CRB1: variants seen among roughly 807,000 people sequenced by gnomAD.
CRB1 encodes crumbs cell polarity complex component 1, also known as protein crumbs homolog 1.
Under a neutral mutation model 120.0 loss-of-function variants are expected in CRB1, and 83 were observed. That is an observed-to-expected ratio of 0.69 (90% CI 0.58 to 0.83). The LOEUF (loss-of-function observed/expected upper bound fraction) is 0.83, where lower values mean the gene tolerates loss of function less well. Among genes scored for constraint, CRB1 ranks in the 40% least tolerant of loss-of-function variants. The pLI is 0.00. For synonymous variants in CRB1, 625 were observed against 612.5 expected, an observed-to-expected ratio of 1.02 and a Z score of -0.30; for missense variants, 1,699 against 1,687.6, an observed-to-expected ratio of 1.01 and a Z score of -0.12.
the CRB1 span, among the ~76,000 whole-genome samples, chr1:197,229,087 C>T: frequency 0.023 from 3,560 of 152,152 alleles, 71 homozygotes; most frequent in Non-Finnish European, 0.039. Context: ...AGAGGCAAAC[C>T]GTATCAAGGA....
intron 2 of CRB1, among the ~76,000 whole-genome samples, chr1:197,332,709 G>A (rs550965519): frequency 6.6e-6 from 1 of 152,178 alleles, no homozygotes; most frequent in Non-Finnish European, 1.5e-5. Context: ...CTTCCAGAGG[G>A]TCAAATTTAA....
chr1:197,426,045 T>C (rs1219865483), intron 6 of CRB1, among the ~76,000 whole-genome samples: 1 of 151,552 alleles, frequency 6.6e-6, no homozygotes. Flanking sequence ...CAAAAAGGCA[T>C]CTCAAATTTA....
At chr1:197,364,081 G>A in intron 5 of CRB1, 3 of 1,269,632 alleles carry the variant, frequency 2.4e-6, no homozygotes, top group Non-Finnish European at 3.4e-6. Flanking sequence ...GGGCTGCTGA[G>A]GCGGGCAGAT....
At chr1:197,205,664 G>A in the CRB1 span, among the ~76,000 whole-genome samples, 2 of 152,016 alleles carry the variant, frequency 1.3e-5, no homozygotes, top group East Asian at 1.9e-4. Context: ...ATTTTGTTGA[G>A]GATTTTTGCA....
the CRB1 span, among the ~76,000 whole-genome samples, chr1:197,227,104 A>G: frequency 3.7e-3 from 569 of 152,252 alleles, 8 homozygotes; most frequent in Admixed American, 0.01. Flanking sequence ...TCATGTCCTC[A>G]TATTTCAAAA....
At chr1:197,218,214 C>G in the CRB1 span, among the ~76,000 whole-genome samples, 2 of 152,186 alleles carry the variant, frequency 1.3e-5, no homozygotes, top group African/African-American at 4.8e-5. Context: ...AAAGGTGTGT[C>G]AGTTTATCAT....
the CRB1 span, among the ~76,000 whole-genome samples, chr1:197,249,445 A>G: frequency 2.0e-5 from 3 of 152,134 alleles, no homozygotes; most frequent in East Asian, 5.8e-4. Flanking sequence ...GTGAAGGAGA[A>G]CAGGAAATAT....
intron 1 of CRB1, among the ~76,000 whole-genome samples, chr1:197,291,968 A>G (rs981176788): frequency 6.6e-6 from 1 of 152,092 alleles, no homozygotes; most frequent in Non-Finnish European, 1.5e-5. Context: ...GAAAGCAGGA[A>G]AGATCTAAAA....
Position 197,420,455 on chromosome 1 carries a change from C to T in CRB1, c.1172-545C>T, listed in dbSNP as rs573034580. 3.3e-5 allele frequency among the ~76,000 whole-genome samples: 5 copies of T among 152,200 alleles called. No individual in the cohort carries two copies. The East Asian group carries it at 9.7e-4, about 29-fold the overall frequency. The stretch of plus-strand genomic sequence containing the variant: ...ATTGCAGGGAAGGAGGAAATGGGGC[C>T]TTCCATTCACCTTAGAAGTCCTTCA... On this transcript the variant is annotated intron_variant, in intron 5 of 11. Coordinates refer to ENST00000367400, the MANE Select transcript of CRB1 (RefSeq NM_201253.3).
At chr1:197,261,848 A>C in the CRB1 span, among the ~76,000 whole-genome samples, 1 of 152,186 alleles carries the variant, frequency 6.6e-6, no homozygotes, top group African/African-American at 2.4e-5. Flanking sequence ...TGGGTCTCTC[A>C]ATCTCTTTTT....
chr1:197,432,156 G>T (rs1664899240), intron 8 of CRB1, among the ~76,000 whole-genome samples: 1 of 152,040 alleles, frequency 6.6e-6, no homozygotes, highest in Admixed American at 6.6e-5. Flanking sequence ...GTATATCGTG[G>T]TTTTTACCCA....
Position 197,421,157 on chromosome 1 carries a change from G to C in CRB1, c.1329G>C (p.Leu443=), listed in dbSNP as rs1664288860. The C allele has an allele frequency of 6.2e-7, 1 of 1,613,966 alleles. No individual in the cohort carries two copies. The highest frequency in any genetic ancestry group is 1.3e-5 in the African/African-American group (1 of 74,898). The change falls in exon 6 of 12, where the codon CTG becomes CTC. Residue 443 remains leucine, a synonymous_variant. Coordinates refer to ENST00000367400, the MANE Select transcript of CRB1 (RefSeq NM_201253.3). ...YGGRDCSDIL[L]GCTHQQCLNN... ...GAAGGGACTGTTCTGATATTCTCCT[G>C]GGCTGTACCCATCAGCAATGTCTAA...
the CRB1 span, among the ~76,000 whole-genome samples, chr1:197,202,137 C>T: frequency 3.3e-5 from 5 of 152,054 alleles, no homozygotes; most frequent in Non-Finnish European, 7.4e-5. Context: ...GCCTAATTTT[C>T]TTCCCCCACC....
intron 2 of CRB1, among the ~76,000 whole-genome samples, chr1:197,336,204 T>G (rs1301594861): frequency 6.6e-6 from 1 of 152,204 alleles, no homozygotes; most frequent in East Asian, 1.9e-4. Context: ...GTCTAAGAGG[T>G]ATGATGTAAC....
chr1:197,335,727 G>A (rs138347563), intron 2 of CRB1, among the ~76,000 whole-genome samples: 1 of 152,164 alleles, frequency 6.6e-6, no homozygotes, highest in African/African-American at 2.4e-5. Context: ...CTCGATCTCC[G>A]GAGCCTGTGA....
intron 1 of CRB1, among the ~76,000 whole-genome samples, chr1:197,286,345 T>C (rs931120051): frequency 6.6e-6 from 1 of 151,888 alleles, no homozygotes; most frequent in Non-Finnish European, 1.5e-5. Flanking sequence ...CTGTTATCTA[T>C]ACTTTAAAAT....
intron 10 of CRB1, 193 bp downstream of exon 10, chr1:197,438,868 A>T: frequency 7.1e-6 from 4 of 565,706 alleles, no homozygotes; most frequent in Admixed American, 3.2e-5. Flanking sequence ...AGAACATTTT[A>T]TTAGACAAAA....
intron 1 of CRB1, among the ~76,000 whole-genome samples, chr1:197,270,076 C>T (rs777439548): frequency 6.6e-6 from 1 of 152,090 alleles, no homozygotes; most frequent in Non-Finnish European, 1.5e-5. Flanking sequence ...ACCTTGTTAG[C>T]TGAGTTTTTT....
intron 4 of CRB1, among the ~76,000 whole-genome samples, chr1:197,351,187 CAAAAA>C (rs780090689): frequency 3.5e-5 from 3 of 85,390 alleles, no homozygotes; most frequent in Non-Finnish European, 6.6e-5. Flanking sequence ...ACTAAAAATA[CAAAAA>C]AAAAAAAAAA....
Sources: allele counts gnomAD v4.1 joint callset (sites outside exome capture counted in the v4.1 genomes callset), GRCh38; gene constraint gnomAD v4.1.1; transcripts MANE v1.5; gene names NCBI Gene and HGNC (gene_info 2026-07-23, HGNC 2026-07-21).